The following PCNX1 variants were observed in gnomAD, a reference collection of about 807,000 sequenced individuals.
PCNX1 encodes pecanex 1, also known as pecanex-like protein 1.
A neutral mutation model predicts 242.2 loss-of-function variants in PCNX1; 78 were observed. The observed-to-expected ratio is 0.32, with a 90% CI of 0.27 to 0.39. The LOEUF (loss-of-function observed/expected upper bound fraction) is 0.39, where lower values mean the gene tolerates loss of function less well. PCNX1 is among the 10% of genes least tolerant of loss of function. The probability of loss-of-function intolerance (pLI) is 1.00; values close to 1 mark genes in which losing one functional copy is unlikely to be tolerated. For missense variants in PCNX1, 2,581 were observed against 2,856.5 expected, an observed-to-expected ratio of 0.90 and a Z score of 2.20; for synonymous variants, 1,024 against 1,032.9, an observed-to-expected ratio of 0.99 and a Z score of 0.17.
chr14:71,103,084 A>G (rs1352335398), intron 31 of PCNX1, among the ~76,000 whole-genome samples: 3 of 152,344 alleles, frequency 2.0e-5, no homozygotes, highest in East Asian at 3.9e-4. Flanking sequence ...TCTCATTTCT[A>G]TAAAAGATGT....
intron 2 of PCNX1, among the ~76,000 whole-genome samples, chr14:70,953,717 T>C (rs976655903): frequency 7.3e-5 from 11 of 149,716 alleles, no homozygotes; most frequent in Non-Finnish European, 1.3e-4. Flanking sequence ...TCGCCCAAGC[T>C]GGAGTGCAGT....
chr14:71,052,832 T>C (rs1194695280), intron 24 of PCNX1, among the ~76,000 whole-genome samples: 1 of 152,210 alleles, frequency 6.6e-6, no homozygotes, highest in Non-Finnish European at 1.5e-5. Flanking sequence ...TTAGTAACTA[T>C]CCTTGTATGT....
chr14:71,060,364 T>G lies in PCNX1; in HGVS notation c.4852+2640T>G, dbSNP rs375428124. Among the ~76,000 whole-genome samples, 547 of 152,294 alleles carry G rather than the reference T, an allele frequency of 3.6e-3. 1 individual carries two copies. The highest frequency in any genetic ancestry group is 0.013 in the African/African-American group (530 of 41,528). ...TATGCTATACTTTTTATGGTTAGAATGTACTCCTTGTACTTAGAAAAAAAA... is the reference window on the plus strand; with the variant it reads ...TATGCTATACTTTTTATGGTTAGAAGGTACTCCTTGTACTTAGAAAAAAAA... On this transcript the variant is annotated intron_variant, in intron 26 of 35. Coordinates refer to ENST00000304743, the MANE Select transcript of PCNX1 (RefSeq NM_014982.3).
At chr14:70,969,155 C>T (rs1445782630) in intron 5 of PCNX1, 45 bp downstream of exon 5, 3 of 1,116,318 alleles carry the variant, frequency 2.7e-6, no homozygotes, top group African/African-American at 1.5e-5. Context: ...CTGTGGTGAC[C>T]AGAGTTAATT....
intron 26 of PCNX1, among the ~76,000 whole-genome samples, chr14:71,069,775 G>T (rs1399207818): frequency 6.6e-6 from 1 of 152,192 alleles, no homozygotes; most frequent in Non-Finnish European, 1.5e-5. Context: ...CTGATGGAGG[G>T]TCTTGCCCCG....
intron 9 of PCNX1, 80 bp from the exon 10 acceptor site, chr14:71,011,412 T>G (rs1431630791): frequency 1.2e-6 from 1 of 803,530 alleles, no homozygotes; most frequent in Non-Finnish European, 2.1e-6. Context: ...AGTGAAGATA[T>G]GTGAATCTCA....
chr14:70,987,643 GTTGTT>G (rs1393789048), intron 6 of PCNX1, among the ~76,000 whole-genome samples: 1 of 152,116 alleles, frequency 6.6e-6, no homozygotes, highest in African/African-American at 2.4e-5. Context: ...AGATCACACA[GTTGTT>G]TTGTTTTATA....
chr14:71,112,668 TCTG>T lies in PCNX1; in HGVS notation c.*2736_*2738del, dbSNP rs1291471300. On this transcript the variant is annotated 3_prime_UTR_variant, in exon 36 of 36. Transcript: ENST00000304743. Reference sequence around the variant, plus strand: ...AATAGTGAGTGACTCGTTTAGATTCTCTGCTTTTTTTCAGTTATGTACAAGACT... The same window carrying T: ...AATAGTGAGTGACTCGTTTAGATTCTCTTTTTTTCAGTTATGTACAAGACT... 1 of 152,154 alleles carries T rather than the reference TCTG, an allele frequency of 6.6e-6. No individual in the cohort carries two copies. Among genetic ancestry groups the T allele is most frequent in the African/African-American group, 2.4e-5 (1 of 41,474 alleles). The allele number at this position is 152,154 out of a possible 1,614,324, so 9.4% of individuals were successfully genotyped here.
rs541516962 is a variant in PCNX1 at position 71,089,606 on chromosome 14, C to T, written c.5589+264C>T. ...GTGCCAAGCAAAAGGGGGAGAACCCCTTATAAAGCCATCAGATCTCATGAG... is the reference window on the plus strand; with the variant it reads ...GTGCCAAGCAAAAGGGGGAGAACCCTTTATAAAGCCATCAGATCTCATGAG... On this transcript the variant is annotated intron_variant, in intron 30 of 35. Transcript: ENST00000304743. 2.4e-4 allele frequency among the ~76,000 whole-genome samples: 36 copies of T among 147,518 alleles called. 1 individual carries two copies. In the South Asian group the frequency reaches 7.6e-3, roughly 31 times the overall value.
chr14:70,932,289 T>A lies in PCNX1; in HGVS notation c.154-14626T>A, dbSNP rs1221973069. Among the ~76,000 whole-genome samples, 6 of 152,218 alleles carry A rather than the reference T, an allele frequency of 3.9e-5. No individual in the cohort carries two copies. The East Asian group carries it at 9.6e-4, about 24-fold the overall frequency. ...GGGAGAGACAATTGTATTTATTTGT[T>A]ATACATTTATAGCTAAACATTTTGA... On this transcript the variant is annotated intron_variant, in intron 1 of 35. Transcript: ENST00000304743.
In PCNX1 at chr14:71,076,279, C is replaced by T. The variant is rs537998725; in HGVS notation, c.5197C>T (p.Arg1733Cys). The T allele has an allele frequency of 4.2e-5, 67 of 1,613,740 alleles. No homozygotes were observed. The highest frequency in any genetic ancestry group is 8.8e-5 in the South Asian group (8 of 91,062). ...GGAAGGACTTCGTCTGTGTGCTGAT[C>T]GCAATTATGTCGATGTGGACCCGAC... ...MQEGLRLCAD[R>C]NYVDVDPTFN... The change falls in exon 28 of 36, where the codon CGC (arginine) becomes TGC (cysteine). Residue 1733 changes from arginine (R) to cysteine (C), a missense_variant. Around this residue, in one of 9 missense-constraint regions of PCNX1, gnomAD observed 298 missense variants for 480.1 expected, o/e 0.62. Coordinates refer to ENST00000304743, the MANE Select transcript of PCNX1 (RefSeq NM_014982.3).
intron 22 of PCNX1, among the ~76,000 whole-genome samples, chr14:71,049,637 A>G (rs987239045): frequency 1.3e-5 from 2 of 152,156 alleles, no homozygotes; most frequent in African/African-American, 4.8e-5. Flanking sequence ...TTTACTTACC[A>G]TGATCCTGAT....
At chr14:71,081,309 T>G (rs1457802009) in intron 28 of PCNX1, among the ~76,000 whole-genome samples, 3 of 152,128 alleles carry the variant, frequency 2.0e-5, no homozygotes, top group East Asian at 3.9e-4. Context: ...ATGTTCATCA[T>G]GTATATTGGC....
intron 1 of PCNX1, among the ~76,000 whole-genome samples, chr14:70,912,203 C>T (rs1025320563): frequency 6.6e-6 from 1 of 151,518 alleles, no homozygotes; most frequent in Non-Finnish European, 1.5e-5. Context: ...CCACTGCACT[C>T]CAGCCTGGGC....
chr14:71,097,680 G>C (rs1383478719), intron 30 of PCNX1, among the ~76,000 whole-genome samples: 1 of 152,122 alleles, frequency 6.6e-6, no homozygotes, highest in Non-Finnish European at 1.5e-5. Flanking sequence ...CTGGGTACTA[G>C]ACCTTTGTTG....
intron 8 of PCNX1, among the ~76,000 whole-genome samples, chr14:71,003,821 T>G (rs1566685300): frequency 6.6e-6 from 1 of 152,232 alleles, no homozygotes; most frequent in Non-Finnish European, 1.5e-5. Flanking sequence ...TCCTTACCAG[T>G]CCCCAAAGCT....
intron 1 of PCNX1, among the ~76,000 whole-genome samples, chr14:70,925,568 C>CTTTTTTT (rs71305848): frequency 1.3e-4 from 14 of 106,890 alleles, no homozygotes; most frequent in South Asian, 6.2e-4. Flanking sequence ...CTTACCTCAT[C>CTTTTTTT]TTTTTTTTTT....
At chr14:71,108,392 G>T (rs563307179) in intron 33 of PCNX1, among the ~76,000 whole-genome samples, 1 of 152,002 alleles carries the variant, frequency 6.6e-6, no homozygotes, top group African/African-American at 2.4e-5. Flanking sequence ...AAAAACTTTA[G>T]CAAATAAAAA....
intron 16 of PCNX1, among the ~76,000 whole-genome samples, chr14:71,029,328 G>A (rs1362382524): frequency 6.6e-6 from 1 of 152,258 alleles, no homozygotes. Flanking sequence ...ACAGCTTTCA[G>A]CTCCTCATGC....
Sources: gnomAD v4.1 joint callset for allele counts (sites outside exome capture counted in the v4.1 genomes callset) on GRCh38, gnomAD v4.1.1 for gene constraint, gnomAD v4.1.1 regional missense constraint, MANE v1.5 for transcripts, NCBI Gene and HGNC (gene_info 2026-07-23, HGNC 2026-07-21) for gene names.